Variants in INTS6 observed in about 807,000 individuals in gnomAD.
INTS6 encodes DEAD box protein.
INTS6 carries 16 observed loss-of-function variants against 104.9 expected under a neutral mutation model. That is an observed-to-expected ratio of 0.15 (90% confidence interval 0.10 to 0.23). The LOEUF is 0.23. Ranked by LOEUF, INTS6 falls within the 10% of genes least tolerant of loss-of-function variation. INTS6 has a pLI of 1.00. For synonymous variants in INTS6, 324 were observed against 358.7 expected (o/e 0.90, Z 1.09); for missense variants, 584 against 1,062.8 (o/e 0.55, Z 6.26).
chr13:51,341,075 G>A, the INTS6 span: 1 of 1,611,106 alleles, frequency 6.2e-7, no homozygotes, highest in Non-Finnish European at 8.5e-7. Flanking sequence ...TGAATTGCAG[G>A]AACCCTCCCA....
intron 7 of INTS6, among the ~76,000 whole-genome samples, chr13:51,386,166 T>C (rs1472659577): frequency 6.6e-6 from 1 of 152,168 alleles, no homozygotes; most frequent in East Asian, 1.9e-4. Flanking sequence ...CCAATTGAAG[T>C]CCTACCTACC....
At chr13:51,448,318 G>A (rs879716830) in intron 3 of INTS6, 1 of 152,164 alleles carries the variant, frequency 6.6e-6, no homozygotes, top group Admixed American at 6.5e-5. Flanking sequence ...TAAAGGAAAA[G>A]ATTGACTAAA....
At chr13:51,427,901 T>C (rs1325602547) in intron 4 of INTS6, among the ~76,000 whole-genome samples, 1 of 152,218 alleles carries the variant, frequency 6.6e-6, no homozygotes, top group South Asian at 2.1e-4. Context: ...AGTTTCAGGT[T>C]ATAAACACAT....
At chr13:51,427,271 A>C (rs1957001769) in intron 4 of INTS6, among the ~76,000 whole-genome samples, 1 of 152,198 alleles carries the variant, frequency 6.6e-6, no homozygotes, top group South Asian at 2.1e-4. Context: ...ACACTGAATA[A>C]ATCTAAAAAA....
chr13:51,411,170 G>A (rs565450999), intron 4 of INTS6, among the ~76,000 whole-genome samples: 1 of 151,548 alleles, frequency 6.6e-6, no homozygotes, highest in South Asian at 2.1e-4. Flanking sequence ...CCGAGATCGC[G>A]CCACTGCACT....
intron 3 of INTS6, chr13:51,440,083 C>T (rs1334924103): frequency 2.0e-5 from 3 of 151,622 alleles, no homozygotes; most frequent in Non-Finnish European, 2.9e-5. Context: ...CCCGTCTCTA[C>T]TAAAAATACA....
chr13:51,409,799 CAG>C (rs1171869296), intron 4 of INTS6, among the ~76,000 whole-genome samples: 7 of 152,004 alleles, frequency 4.6e-5, no homozygotes, highest in Non-Finnish European at 7.4e-5. Context: ...AAAAGGCAGA[CAG>C]ATTTGGAAAG....
the INTS6 span, among the ~76,000 whole-genome samples, chr13:51,345,592 CAAA>C: frequency 5.4e-5 from 2 of 37,012 alleles, no homozygotes; most frequent in Non-Finnish European, 1.1e-4. Flanking sequence ...GATTTCATCT[CAAA>C]AAAAAAAAAA....
chr13:51,359,611 T>G (rs371740378), downstream of INTS6, among the ~76,000 whole-genome samples: 1 of 152,112 alleles, frequency 6.6e-6, no homozygotes, highest in East Asian at 1.9e-4. Context: ...ACTGCCAAGG[T>G]GCCCAGACTA....
At chr13:51,352,450 C>G (rs1272248124), downstream of INTS6, among the ~76,000 whole-genome samples, 1 of 151,584 alleles carries the variant, frequency 6.6e-6, no homozygotes, top group African/African-American at 2.4e-5. Flanking sequence ...CCTTACTGAA[C>G]TCATTTATTA....
chr13:51,344,901 A>T, the INTS6 span, among the ~76,000 whole-genome samples: 1 of 152,222 alleles, frequency 6.6e-6, no homozygotes, highest in Non-Finnish European at 1.5e-5. Flanking sequence ...CTGGGAATTT[A>T]GGTTAAGGAA....
intron 4 of INTS6, among the ~76,000 whole-genome samples, chr13:51,404,103 C>CACACAGAGAGAGAG (rs1491389220): frequency 1.9e-5 from 2 of 103,954 alleles, no homozygotes; most frequent in African/African-American, 7.9e-5. Flanking sequence ...CACACACACA[C>CACACAGAGAGAGAG]AGAGAGAGAG....
chr13:51,378,246 A>G lies in INTS6; in HGVS notation c.1595T>C (p.Leu532Pro). The G allele has an allele frequency of 6.2e-7, 1 of 1,611,182 alleles. No homozygotes were observed. Among genetic ancestry groups the G allele is most frequent in the Non-Finnish European group, 8.5e-7 (1 of 1,177,502 alleles). ...KEYTGFQVAL[L>P]NKDLKPQTFR... The stretch of plus-strand genomic sequence containing the variant: ...TAAATTCATGATTATTACCTTATTC[A>G]GCAAAGCAACTTGGAACCCAGTGTA... The change falls in exon 12 of 18, where the codon CTG (leucine) becomes CCG (proline). Residue 532 changes from leucine to proline, a missense_variant. Physicochemically the swap from Leu to Pro is moderately conservative, Grantham distance 98 (BLOSUM62 -3). Coordinates refer to ENST00000311234, the MANE Select transcript of INTS6 (RefSeq NM_012141.3).
exon 4 of INTS6, chr13:51,354,099 T>C (rs1955442447): frequency 6.6e-6 from 1 of 152,156 alleles, no homozygotes; most frequent in African/African-American, 2.4e-5. Flanking sequence ...TTTTATCCAG[T>C]ATAAACACTC....
intron 5 of INTS6, among the ~76,000 whole-genome samples, chr13:51,393,074 ATTT>A (rs368682215): frequency 3.6e-5 from 5 of 139,434 alleles, no homozygotes; most frequent in Non-Finnish European, 1.6e-5. Flanking sequence ...AAACAACTAA[ATTT>A]TTTTTTTTTT....
chr13:51,432,327 T>C (rs772727489), intron 3 of INTS6, among the ~76,000 whole-genome samples: 2 of 152,114 alleles, frequency 1.3e-5, no homozygotes, highest in Non-Finnish European at 1.5e-5. Flanking sequence ...CCTTTTCAAA[T>C]AATTTTTAAT....
chr13:51,429,785 A>AAAAAAAAAATATAT (rs1156333077), intron 4 of INTS6, among the ~76,000 whole-genome samples: 12 of 92,380 alleles, frequency 1.3e-4, no homozygotes, highest in African/African-American at 5.5e-4. Flanking sequence ...AAAAAAAAAA[A>AAAAAAAAAATATAT]ATATATATAT....
At chr13:51,397,863 T>C (rs1291255772) in intron 4 of INTS6, among the ~76,000 whole-genome samples, 1 of 151,938 alleles carries the variant, frequency 6.6e-6, no homozygotes, top group African/African-American at 2.4e-5. Flanking sequence ...CATGTAATGA[T>C]GAGCATCTGC....
At chr13:51,399,664 T>C (rs1031886655) in intron 4 of INTS6, among the ~76,000 whole-genome samples, 3 of 152,108 alleles carry the variant, frequency 2.0e-5, no homozygotes, top group Non-Finnish European at 4.4e-5. Flanking sequence ...ATCTCCTTCA[T>C]CAACACTTAG....
Sources: gnomAD v4.1 joint callset for allele counts (sites outside exome capture counted in the v4.1 genomes callset) on GRCh38, gnomAD v4.1.1 for gene constraint, MANE v1.5 for transcripts, NCBI Gene and HGNC (gene_info 2026-07-23, HGNC 2026-07-21) for gene names.